CACNA1A: variants seen among roughly 807,000 people sequenced by gnomAD.
CACNA1A encodes the protein calcium voltage-gated channel subunit alpha1 A.
In CACNA1A, 57 loss-of-function variants were observed where a neutral mutation model predicts 262.4. The observed-to-expected ratio is 0.22, with a 90% confidence interval of 0.18 to 0.27. The LOEUF (loss-of-function observed/expected upper bound fraction) is 0.27. Ranked by LOEUF, CACNA1A falls within the 10% of genes least tolerant of loss-of-function variation. CACNA1A has a pLI of 1.00. For missense variants in CACNA1A, 2,526 were observed against 3,562.8 expected, an observed-to-expected ratio of 0.71 and a Z score of 7.41; for synonymous variants, 1,431 against 1,419.3, an observed-to-expected ratio of 1.01 and a Z score of -0.18.
At chr19:13,304,659 CAAAAAAAAAAA>C (rs34159456) in intron 15 of CACNA1A, among the ~76,000 whole-genome samples, 3 of 103,446 alleles carry the variant, frequency 2.9e-5, no homozygotes, top group African/African-American at 1.1e-4. Context: ...ATTTTTGTCT[CAAAAAAAAAAA>C]AAAAAAAAGA....
At chr19:13,421,359 C>G (rs1484811085) in intron 3 of CACNA1A, among the ~76,000 whole-genome samples, 1 of 151,974 alleles carries the variant, frequency 6.6e-6, no homozygotes, top group Non-Finnish European at 1.5e-5. Flanking sequence ...AAGTTGTAGT[C>G]ATGGGGGATA....
At chr19:13,288,663 C>T (rs2144898211) in intron 19 of CACNA1A, among the ~76,000 whole-genome samples, 1 of 152,260 alleles carries the variant, frequency 6.6e-6, no homozygotes, top group South Asian at 2.1e-4. Context: ...ACACCTGGGC[C>T]CTGCCTCTTG....
chr19:13,275,777 T>C, intron 24 of CACNA1A, 73 bp downstream of exon 24: 1 of 1,014,316 alleles, frequency 9.9e-7, no homozygotes, highest in Non-Finnish European at 1.5e-6. Context: ...GAACATGTCC[T>C]GTAATCCGAT....
At chr19:13,276,036 C>T (rs988341534) in intron 23 of CACNA1A, 80 bp from the exon 24 acceptor site, 16 of 883,548 alleles carry the variant, frequency 1.8e-5, no homozygotes, top group African/African-American at 1.2e-4. Flanking sequence ...TCTAGCCTCT[C>T]GGGGAGAGGC....
intron 1 of CACNA1A, among the ~76,000 whole-genome samples, chr19:13,492,838 A>G (rs995656764): frequency 2.0e-5 from 3 of 152,078 alleles, no homozygotes; most frequent in African/African-American, 7.2e-5. Context: ...CTCAGTCAAC[A>G]TTTATGAATG....
At chr19:13,318,536 G>A (rs370460369) in intron 10 of CACNA1A, among the ~76,000 whole-genome samples, 158 of 152,252 alleles carry the variant, frequency 1.0e-3, no homozygotes, top group Non-Finnish European at 2.0e-3. Flanking sequence ...TCTGGCTGCC[G>A]AGTGGGAGAG....
In CACNA1A at chr19:13,474,320, T is replaced by C. The variant is rs546875229; in HGVS notation, c.294-19108A>G. The stretch of plus-strand genomic sequence containing the variant: ...TCTTGCTTAGGTGAGCAAAAGGAAA[T>C]GCCTCCAAGCTTGAGGCGCTTCAGA... On this transcript the variant is annotated intron_variant, in intron 1 of 46. Transcript: ENST00000360228. 1.2e-4 allele frequency among the ~76,000 whole-genome samples: 18 copies of C among 152,302 alleles called. No individual in the cohort carries two copies. The East Asian group carries it at 3.5e-3, about 29-fold the overall frequency.
chr19:13,294,487 C>CTTTTTTTTTTTTTTTTTT lies in CACNA1A; in HGVS notation c.3089+4039_3089+4056dup, dbSNP rs780908964. Among the ~76,000 whole-genome samples, 123 of 72,516 alleles carry CTTTTTTTTTTTTTTTTTT rather than the reference C, an allele frequency of 1.7e-3. 19 individuals are homozygous for CTTTTTTTTTTTTTTTTTT. The highest frequency in any genetic ancestry group is 4.0e-3 in the East Asian group (8 of 1,998). 47.6% of individuals were successfully genotyped at this position (72,516 alleles called of 152,430 possible). On this transcript the variant is annotated intron_variant, in intron 19 of 46. Coordinates refer to ENST00000360228, the MANE Select transcript of CACNA1A (RefSeq NM_001127222.2). ...TACAGGTGCATACCACTGTACCTGG[C>CTTTTTTTTTTTTTTTTTT]TTTTTTTTTTTTTTTTTTTTTTTGA...
At chr19:13,435,626 A>T (rs2060597820) in intron 3 of CACNA1A, among the ~76,000 whole-genome samples, 1 of 152,078 alleles carries the variant, frequency 6.6e-6, no homozygotes, top group Non-Finnish European at 1.5e-5. Context: ...GGAGGATTAA[A>T]TGAGATAATT....
chr19:13,282,777 G>A (rs929993237), intron 22 of CACNA1A, among the ~76,000 whole-genome samples: 3 of 152,074 alleles, frequency 2.0e-5, no homozygotes, highest in Admixed American at 2.0e-4. Context: ...TCAATTAACA[G>A]GGGTTGTCAA....
At chr19:13,262,899 C>T in intron 24 of CACNA1A, 66 bp from the exon 25 acceptor site, 3 of 1,045,786 alleles carry the variant, frequency 2.9e-6, no homozygotes, top group Non-Finnish European at 4.4e-6. Flanking sequence ...GGGTAGGGGG[C>T]AGCCCACAGC....
chr19:13,367,251 C>G lies in CACNA1A; in HGVS notation c.632-1782G>C, dbSNP rs141091599. ...CAGAGGTTGCAGTGAGCCAAGATGA[C>G]GCCACTGTACTCCAGTCTGGGTGAC... On this transcript the variant is annotated intron_variant, in intron 4 of 46. Coordinates refer to ENST00000360228, the MANE Select transcript of CACNA1A (RefSeq NM_001127222.2). Among the ~76,000 whole-genome samples the G allele has an allele frequency of 3.7e-3, 515 of 139,592 alleles. 3 individuals carry two copies. The highest frequency in any genetic ancestry group is 9.5e-3 in the Middle Eastern group (2 of 210). 91.6% of individuals were successfully genotyped at this position (139,592 alleles called of 152,430 possible).
At chr19:13,348,203 G>A (rs983157726) in intron 6 of CACNA1A, among the ~76,000 whole-genome samples, 3 of 151,952 alleles carry the variant, frequency 2.0e-5, no homozygotes, top group South Asian at 2.1e-4. Context: ...GATTCCAGGC[G>A]TGAGCCACCA....
At chr19:13,428,255 A>C (rs893472991) in intron 3 of CACNA1A, among the ~76,000 whole-genome samples, 35 of 152,166 alleles carry the variant, frequency 2.3e-4, no homozygotes, top group African/African-American at 8.0e-4. Context: ...GGCTCTTTAG[A>C]AGATTAAATG....
At chr19:13,485,072 G>A (rs1347218481) in intron 1 of CACNA1A, among the ~76,000 whole-genome samples, 1 of 152,220 alleles carries the variant, frequency 6.6e-6, no homozygotes, top group East Asian at 1.9e-4. Flanking sequence ...TTCAAAGGTT[G>A]AGTATAAAAA....
intron 37 of CACNA1A, chr19:13,225,596 A>G (rs2055405969): frequency 6.6e-6 from 1 of 151,924 alleles, no homozygotes; most frequent in African/African-American, 2.4e-5. Context: ...CCCAGGCTGA[A>G]GTGGCACAGA....
At chr19:13,272,338 G>A (rs1191523218) in intron 24 of CACNA1A, 1 of 152,384 alleles carries the variant, frequency 6.6e-6, no homozygotes, top group Admixed American at 6.5e-5. Context: ...CACCTCTTGA[G>A]CCCTAGGAAT....
intron 1 of CACNA1A, among the ~76,000 whole-genome samples, chr19:13,459,525 T>C (rs7257149): frequency 0.34 from 51,393 of 152,096 alleles, 10,824 homozygotes; most frequent in East Asian, 0.61. Context: ...TTTCTGCCTC[T>C]GAGCTGACAG....
intron 3 of CACNA1A, among the ~76,000 whole-genome samples, chr19:13,400,109 C>T (rs2059873652): frequency 6.6e-6 from 1 of 152,054 alleles, no homozygotes; most frequent in African/African-American, 2.4e-5. Flanking sequence ...GAATTTCTGC[C>T]TCACCCATAG....
Sources: gnomAD v4.1 joint callset for allele counts (sites outside exome capture counted in the v4.1 genomes callset) on GRCh38, gnomAD v4.1.1 for gene constraint, MANE v1.5 for transcripts, NCBI Gene and HGNC (gene_info 2026-07-23, HGNC 2026-07-21) for gene names.